Variants in SH3GL3 observed in about 807,000 individuals in gnomAD.
SH3GL3 encodes the protein SH3 domain containing GRB2 like 3, endophilin A3.
In SH3GL3, 33 loss-of-function variants were observed where a neutral mutation model predicts 47.7. That is an observed-to-expected ratio of 0.69 (90% confidence interval 0.52 to 0.92). SH3GL3 has a LOEUF of 0.92. Among genes scored for constraint, SH3GL3 ranks in the 40% least tolerant of loss-of-function variants. The pLI is 0.00. For synonymous variants in SH3GL3, 155 were observed against 148.8 expected (o/e 1.04, Z -0.30); for missense variants, 363 against 417.8 (o/e 0.87, Z 1.14).
Position 83,494,301 on chromosome 15 carries a change from G to A in SH3GL3, c.45+46723G>A, listed in dbSNP as rs560847701. ...GCTCGGTCACTGGAACAGGTTGGGT[G>A]AGGGTGGCCATGGAGAACCTGCAGG... On this transcript the variant is annotated intron_variant, in intron 1 of 8. Transcript: ENST00000427482. Among the ~76,000 whole-genome samples the A allele has an allele frequency of 3.9e-4, 60 of 152,332 alleles. No individual in the cohort carries two copies. In the South Asian group the frequency reaches 9.3e-3, roughly 24 times the overall value.
At chr15:83,592,171 A>T (rs558368717) in intron 8 of SH3GL3, among the ~76,000 whole-genome samples, 1 of 152,110 alleles carries the variant, frequency 6.6e-6, no homozygotes, top group South Asian at 2.1e-4. Flanking sequence ...TTCAGTTTGG[A>T]TAAATGTATT....
chr15:83,463,861 C>T (rs1341004735), intron 1 of SH3GL3, among the ~76,000 whole-genome samples: 6 of 151,392 alleles, frequency 4.0e-5, no homozygotes, highest in South Asian at 2.1e-4. Flanking sequence ...CTCTGCCTCC[C>T]GGGTTCAAGC....
At chr15:83,571,854 C>A (rs2045833436) in intron 4 of SH3GL3, among the ~76,000 whole-genome samples, 1 of 152,178 alleles carries the variant, frequency 6.6e-6, no homozygotes, top group Non-Finnish European at 1.5e-5. Context: ...GTACAGAGAA[C>A]TAGAGGGCAC....
chr15:83,563,504 T>C (rs932617348), intron 2 of SH3GL3, among the ~76,000 whole-genome samples: 3 of 152,240 alleles, frequency 2.0e-5, no homozygotes, highest in African/African-American at 7.2e-5. Context: ...TCCACACCCA[T>C]ATAATACCTG....
At chr15:83,624,273 A>G in the SH3GL3 span, among the ~76,000 whole-genome samples, 1 of 152,162 alleles carries the variant, frequency 6.6e-6, no homozygotes, top group Non-Finnish European at 1.5e-5. Context: ...TAATGAGACT[A>G]TGCCTGGCCC....
chr15:83,604,432 A>G (rs979810323), intron 8 of SH3GL3, among the ~76,000 whole-genome samples: 1 of 152,158 alleles, frequency 6.6e-6, no homozygotes, highest in African/African-American at 2.4e-5. Flanking sequence ...CTGGCAGTGT[A>G]GAGAGTGTTA....
intron 8 of SH3GL3, among the ~76,000 whole-genome samples, chr15:83,601,222 TC>T (rs2060369931): frequency 6.6e-6 from 1 of 152,214 alleles, no homozygotes; most frequent in Non-Finnish European, 1.5e-5. Flanking sequence ...GGCTAGAACT[TC>T]CAGTACTATA....
intron 1 of SH3GL3, among the ~76,000 whole-genome samples, chr15:83,534,930 A>G (rs1040873883): frequency 2.0e-5 from 3 of 152,194 alleles, no homozygotes; most frequent in African/African-American, 7.2e-5. Context: ...ATGTGTTTGT[A>G]TATGTAAATT....
intron 8 of SH3GL3, among the ~76,000 whole-genome samples, chr15:83,604,915 A>G (rs905751505): frequency 3.3e-5 from 5 of 152,344 alleles, no homozygotes; most frequent in African/African-American, 9.6e-5. Flanking sequence ...AAGATTCATG[A>G]TTACAGGGAA....
intron 8 of SH3GL3, among the ~76,000 whole-genome samples, chr15:83,613,464 T>C (rs551008444): frequency 6.6e-6 from 1 of 152,240 alleles, no homozygotes; most frequent in East Asian, 1.9e-4. Flanking sequence ...TGATTTGTTC[T>C]GTGTGTGTGT....
intron 1 of SH3GL3, among the ~76,000 whole-genome samples, chr15:83,520,986 A>G (rs959252984): frequency 2.0e-5 from 3 of 152,164 alleles, no homozygotes; most frequent in African/African-American, 7.2e-5. Context: ...CCTGTTAAAT[A>G]CTCGGTATAA....
chr15:83,507,842 G>A (rs1471806952), intron 1 of SH3GL3, among the ~76,000 whole-genome samples: 2 of 152,180 alleles, frequency 1.3e-5, no homozygotes, highest in East Asian at 1.9e-4. Flanking sequence ...CTCAAAATGA[G>A]TATATTATAC....
chr15:83,459,108 A>G (rs2040144133), intron 1 of SH3GL3, among the ~76,000 whole-genome samples: 1 of 152,212 alleles, frequency 6.6e-6, no homozygotes, highest in African/African-American at 2.4e-5. Flanking sequence ...TTGGAGTCCA[A>G]TGTTCGAGGG....
chr15:83,546,944 C>T (rs1049758377), intron 1 of SH3GL3, among the ~76,000 whole-genome samples: 10 of 152,174 alleles, frequency 6.6e-5, no homozygotes, highest in Non-Finnish European at 1.2e-4. Context: ...GTCCTCTTTA[C>T]ACTTCCCTCT....
intron 6 of SH3GL3, among the ~76,000 whole-genome samples, chr15:83,578,558 A>G (rs554104021): frequency 6.6e-6 from 1 of 152,306 alleles, no homozygotes; most frequent in East Asian, 1.9e-4. Context: ...TTCATCCTGG[A>G]GAATTTATTC....
chr15:83,519,791 TGTAA>T (rs1477236664), intron 1 of SH3GL3, among the ~76,000 whole-genome samples: 1 of 152,196 alleles, frequency 6.6e-6, no homozygotes, highest in African/African-American at 2.4e-5. Context: ...TATCTATACG[TGTAA>T]GTGTTTATAC....
At chr15:83,610,127 C>T (rs988460413) in intron 8 of SH3GL3, among the ~76,000 whole-genome samples, 3 of 152,168 alleles carry the variant, frequency 2.0e-5, no homozygotes. Context: ...AGAGAATGCT[C>T]TTAGAGAGCC....
chr15:83,610,568 AAG>A (rs1393766980), intron 8 of SH3GL3, among the ~76,000 whole-genome samples: 1 of 152,082 alleles, frequency 6.6e-6, no homozygotes, highest in African/African-American at 2.4e-5. Flanking sequence ...AAGAAAGAAA[AAG>A]AAAAAGAGTG....
At chr15:83,619,225 C>T (rs566420013), downstream of SH3GL3, among the ~76,000 whole-genome samples, 3 of 152,284 alleles carry the variant, frequency 2.0e-5, no homozygotes, top group Non-Finnish European at 4.4e-5. Context: ...GACTGACTTA[C>T]CTAGGATCAA....
Sources: allele counts gnomAD v4.1 joint callset (sites outside exome capture counted in the v4.1 genomes callset), GRCh38; gene constraint gnomAD v4.1.1; transcripts MANE v1.5; gene names NCBI Gene and HGNC (gene_info 2026-07-23, HGNC 2026-07-21).